RBFOX1: variants seen among roughly 807,000 people sequenced by gnomAD.
The protein encoded by RBFOX1 is RNA binding fox-1 homolog 1, also known as RNA binding protein fox-1 homolog 1.
RBFOX1 carries 8 observed loss-of-function variants against 57.7 expected under a neutral mutation model. The observed-to-expected ratio is 0.14, with a 90% CI of 0.08 to 0.25. RBFOX1 has a LOEUF of 0.25. Among genes scored for constraint, RBFOX1 ranks in the 10% least tolerant of loss-of-function variants. The pLI is 1.00. For missense variants in RBFOX1, 611 were observed against 548.5 expected (o/e 1.11, Z -1.14); for synonymous variants, 326 against 222.4 (o/e 1.47, Z -4.15).
intron 2 of RBFOX1, among the ~76,000 whole-genome samples, chr16:6,643,224 T>C (rs1393675560): frequency 6.6e-6 from 1 of 152,212 alleles, no homozygotes; most frequent in Non-Finnish European, 1.5e-5. Flanking sequence ...TTGGATACTC[T>C]TGCATAGGAC....
chr16:6,828,223 C>G (rs1199024865), intron 3 of RBFOX1, among the ~76,000 whole-genome samples: 1 of 152,026 alleles, frequency 6.6e-6, no homozygotes, highest in Non-Finnish European at 1.5e-5. Context: ...TACAGGTAGT[C>G]ACAGCATAGT....
chr16:6,641,861 A>C (rs1173825800), intron 2 of RBFOX1, among the ~76,000 whole-genome samples: 1 of 148,766 alleles, frequency 6.7e-6, no homozygotes, highest in Non-Finnish European at 1.5e-5. Flanking sequence ...CCTTCTTTGG[A>C]GATTACCCAC....
intron 4 of RBFOX1, among the ~76,000 whole-genome samples, chr16:7,391,509 A>T (rs779176204): frequency 6.6e-6 from 1 of 152,114 alleles, no homozygotes; most frequent in Non-Finnish European, 1.5e-5. Context: ...GTGCTTTTGG[A>T]CCAGTTTCCT....
chr16:5,745,252 T>A (rs2052932460), intron 3 of RBFOX1, among the ~76,000 whole-genome samples: 1 of 152,170 alleles, frequency 6.6e-6, no homozygotes, highest in African/African-American at 2.4e-5. Flanking sequence ...TTCATCCATG[T>A]CTCTACAAAG....
chr16:5,990,587 C>A (rs1361489759), intron 4 of RBFOX1, among the ~76,000 whole-genome samples: 1 of 152,076 alleles, frequency 6.6e-6, no homozygotes, highest in African/African-American at 2.4e-5. Context: ...AAGGACAAGC[C>A]CATGGACTAT....
At chr16:6,623,028 T>C (rs2098255438) in intron 2 of RBFOX1, among the ~76,000 whole-genome samples, 2 of 152,226 alleles carry the variant, frequency 1.3e-5, no homozygotes, top group South Asian at 4.1e-4. Context: ...TTACAAAGCC[T>C]CTTTGGCAAA....
In RBFOX1 at chr16:6,837,058, G is replaced by A. The variant is rs139983151; in HGVS notation, c.-16+182408G>A. Among the ~76,000 whole-genome samples the A allele has an allele frequency of 3.1e-4, 47 of 152,294 alleles. 1 individual carries two copies. Among genetic ancestry groups the A allele is most frequent in the African/African-American group, 1.1e-3 (45 of 41,574 alleles). On this transcript the variant is annotated intron_variant, in intron 3 of 15. Transcript: ENST00000550418. ...TACAGTAAGCCCAGGACAGGGTAAG[G>A]ATGAGTTGGAAATGATATATATTGG...
At chr16:5,987,231 T>TC (rs1344439620) in intron 4 of RBFOX1, among the ~76,000 whole-genome samples, 1 of 152,184 alleles carries the variant, frequency 6.6e-6, no homozygotes, top group African/African-American at 2.4e-5. Context: ...GGTTTTTTTC[T>TC]TTGTTTATTA....
chr16:6,658,928 G>GTGTTTTT (rs1555662286), intron 3 of RBFOX1, among the ~76,000 whole-genome samples: 1 of 87,564 alleles, frequency 1.1e-5, no homozygotes, highest in Non-Finnish European at 2.5e-5. Context: ...TTGTTTTTTG[G>GTGTTTTT]TTTTTTTGTT....
intron 12 of RBFOX1, among the ~76,000 whole-genome samples, chr16:7,658,405 G>T (rs1343612017): frequency 6.6e-6 from 1 of 152,104 alleles, no homozygotes; most frequent in Non-Finnish European, 1.5e-5. Context: ...GAGCAGAGTA[G>T]AGTTTTCCTT....
intron 1 of RBFOX1, among the ~76,000 whole-genome samples, chr16:6,213,039 C>T (rs912693078): frequency 6.6e-6 from 1 of 152,066 alleles, no homozygotes; most frequent in African/African-American, 2.4e-5. Context: ...GCGTTGTAAC[C>T]TTGTAGGCTT....
At chr16:7,008,135 A>AAC (rs2093409326) in intron 3 of RBFOX1, among the ~76,000 whole-genome samples, 1 of 152,210 alleles carries the variant, frequency 6.6e-6, no homozygotes, top group African/African-American at 2.4e-5. Flanking sequence ...CACTGAAAAA[A>AAC]ATATATATCC....
chr16:5,588,191 C>A (rs961833010), intron 2 of RBFOX1, among the ~76,000 whole-genome samples: 3 of 151,940 alleles, frequency 2.0e-5, no homozygotes, highest in African/African-American at 7.3e-5. Flanking sequence ...TCGGTGATTG[C>A]TTGGGGCTGT....
At chr16:6,473,504 C>T (rs1320323974) in intron 2 of RBFOX1, among the ~76,000 whole-genome samples, 1 of 152,096 alleles carries the variant, frequency 6.6e-6, no homozygotes, top group Non-Finnish European at 1.5e-5. Context: ...CTGTCTCCCT[C>T]ACTAGAACAT....
chr16:7,093,721 C>T (rs186666849), intron 4 of RBFOX1, among the ~76,000 whole-genome samples: 32 of 152,234 alleles, frequency 2.1e-4, no homozygotes, highest in East Asian at 1.5e-3. Context: ...GGGAGTAATA[C>T]GCTATTTTCC....
At chr16:6,045,901 G>A (rs1023131229) in intron 1 of RBFOX1, among the ~76,000 whole-genome samples, 1 of 152,178 alleles carries the variant, frequency 6.6e-6, no homozygotes, top group Non-Finnish European at 1.5e-5. Flanking sequence ...GAAAAGCAGG[G>A]CAAAGGCCCT....
intron 3 of RBFOX1, among the ~76,000 whole-genome samples, chr16:6,901,417 C>T (rs1221595486): frequency 6.6e-6 from 1 of 152,110 alleles, no homozygotes; most frequent in African/African-American, 2.4e-5. Context: ...TTGGGGAAGA[C>T]AATAACACAG....
intron 3 of RBFOX1, among the ~76,000 whole-genome samples, chr16:5,707,356 G>C (rs1044815588): frequency 3.9e-5 from 6 of 152,206 alleles, no homozygotes; most frequent in Admixed American, 1.3e-4. Flanking sequence ...AGTTCTTTAA[G>C]AGCCTCAAGG....
chr16:6,853,881 G>C (rs75993328), intron 3 of RBFOX1, among the ~76,000 whole-genome samples: 2 of 152,144 alleles, frequency 1.3e-5, no homozygotes, highest in African/African-American at 4.8e-5. Context: ...AATATAGCCA[G>C]GGCCAGGATC....
Sources: gnomAD v4.1 joint callset for allele counts (sites outside exome capture counted in the v4.1 genomes callset) on GRCh38, gnomAD v4.1.1 for gene constraint, MANE v1.5 for transcripts, NCBI Gene and HGNC (gene_info 2026-07-23, HGNC 2026-07-21) for gene names.